UBE3A: variants seen among roughly 807,000 people sequenced by gnomAD.
The protein encoded by UBE3A is ubiquitin-protein ligase E3A.
UBE3A carries 6 observed loss-of-function variants against 83.4 expected under a neutral mutation model. The ratio of observed to expected loss-of-function variants is 0.07; its 90% CI spans 0.04 to 0.14. UBE3A has a LOEUF of 0.14. Among genes scored for constraint, UBE3A ranks in the 10% least tolerant of loss-of-function variants. UBE3A has a pLI of 1.00. For synonymous variants in UBE3A, 337 were observed against 355.4 expected (o/e 0.95, Z 0.58); for missense variants, 456 against 1,036.1 (o/e 0.44, Z 7.69).
intron 4 of UBE3A, among the ~76,000 whole-genome samples, chr15:25,401,473 A>G (rs953340221): frequency 6.6e-6 from 1 of 152,188 alleles, no homozygotes; most frequent in Non-Finnish European, 1.5e-5. Context: ...GACTGATACA[A>G]TCCTTGTCAC....
chr15:25,342,714 T>C (rs1459136593), intron 11 of UBE3A, among the ~76,000 whole-genome samples: 1 of 151,222 alleles, frequency 6.6e-6, no homozygotes. Context: ...ACCAAAGAAG[T>C]GGGGAAATGA....
At chr15:25,430,068 A>G (rs1596486753) in intron 1 of UBE3A, among the ~76,000 whole-genome samples, 3 of 109,326 alleles carry the variant, frequency 2.7e-5, no homozygotes, top group African/African-American at 1.3e-4. Flanking sequence ...TATTATATAT[A>G]TATAATACAT....
chr15:25,404,219 G>A lies in UBE3A; in HGVS notation c.62+1242C>T, dbSNP rs186011544. Among the ~76,000 whole-genome samples the A allele has an allele frequency of 4.2e-3, 632 of 151,566 alleles. 3 individuals carry two copies. Among genetic ancestry groups the A allele is most frequent in the Non-Finnish European group, 6.5e-3 (441 of 67,910 alleles). On this transcript the variant is annotated intron_variant, in intron 4 of 12. Coordinates refer to ENST00000648336, the MANE Select transcript of UBE3A (RefSeq NM_130839.5). ...ACAATATATACCGGCATTTAAATAA[G>A]GTTCCAATATTTTCAGTAAAAAAAT...
chr15:25,342,448 A>T (rs2075000525), intron 11 of UBE3A, among the ~76,000 whole-genome samples: 1 of 152,150 alleles, frequency 6.6e-6, no homozygotes, highest in South Asian at 2.1e-4. Context: ...GAAAACAGGG[A>T]ACAAAATGCA....
intron 9 of UBE3A, 92 bp downstream of exon 9, chr15:25,355,800 G>C: frequency 8.2e-7 from 1 of 1,218,886 alleles, no homozygotes; most frequent in Non-Finnish European, 1.2e-6. Context: ...TTTTTGTACA[G>C]ACTATATTAG....
chr15:25,394,766 C>A (rs2085172491), intron 4 of UBE3A, among the ~76,000 whole-genome samples: 1 of 152,268 alleles, frequency 6.6e-6, no homozygotes, highest in East Asian at 1.9e-4. Flanking sequence ...AAAAATTCTT[C>A]CTACATTTCT....
chr15:25,388,999 C>T lies in UBE3A; in HGVS notation c.63-13236G>A, dbSNP rs559025644. Among the ~76,000 whole-genome samples, 5 of 152,122 alleles carry T rather than the reference C, an allele frequency of 3.3e-5. No individual in the cohort carries two copies. In the East Asian group the frequency reaches 7.7e-4, roughly 24 times the overall value. ...AATAATGAAGAGCTATTCCATGACC[C>T]GTGAGAGACAACTCAATATTGACAG... On this transcript the variant is annotated intron_variant, in intron 4 of 12. Transcript: ENST00000648336.
chr15:25,367,447 G>C (rs896723863), intron 6 of UBE3A, among the ~76,000 whole-genome samples: 2 of 151,750 alleles, frequency 1.3e-5, no homozygotes, highest in Non-Finnish European at 2.9e-5. Context: ...GTTTTCTAAG[G>C]AACAATAACG....
intron 4 of UBE3A, among the ~76,000 whole-genome samples, chr15:25,382,645 A>G (rs1039771087): frequency 2.0e-5 from 3 of 152,084 alleles, no homozygotes; most frequent in Admixed American, 1.3e-4. Flanking sequence ...TGCAATAGAA[A>G]AAAAATCAAC....
At chr15:25,415,040 C>T (rs1259776273) in intron 1 of UBE3A, among the ~76,000 whole-genome samples, 5 of 152,180 alleles carry the variant, frequency 3.3e-5, no homozygotes, top group Non-Finnish European at 7.3e-5. Context: ...GATTCAAACC[C>T]TAATTTGTCT....
chr15:25,359,813 T>G (rs2077774882), intron 7 of UBE3A, among the ~76,000 whole-genome samples: 1 of 152,296 alleles, frequency 6.6e-6, no homozygotes, highest in East Asian at 1.9e-4. Flanking sequence ...CCCATCAGCC[T>G]TTCCCAAACT....
chr15:25,409,466 T>C (rs2089453539), intron 2 of UBE3A: 2 of 185,358 alleles, frequency 1.1e-5, no homozygotes, highest in Admixed American at 1.2e-4. Context: ...CAATAGTACC[T>C]TGAGTCTTAT....
At chr15:25,402,672 T>C (rs2087454753) in intron 4 of UBE3A, among the ~76,000 whole-genome samples, 1 of 152,114 alleles carries the variant, frequency 6.6e-6, no homozygotes, top group African/African-American at 2.4e-5. Context: ...TGGTGTACAC[T>C]TCCCCTCCTT....
rs183579749 is a variant in UBE3A at position 25,406,088 on chromosome 15, A to G, written c.21-586T>C. Among the ~76,000 whole-genome samples the G allele has an allele frequency of 2.5e-3, 386 of 152,328 alleles. 1 individual carries two copies. The highest frequency in any genetic ancestry group is 9.1e-3 in the African/African-American group (378 of 41,562). On this transcript the variant is annotated intron_variant, in intron 3 of 12. Transcript: ENST00000648336. The stretch of plus-strand genomic sequence containing the variant: ...GTGGCAGAAACCACATGGCCCATAA[A>G]GCCTAAAATATTTATTTTCTGGCCC...
intron 1 of UBE3A, chr15:25,419,539 A>G (rs1469409217): frequency 6.6e-6 from 1 of 152,122 alleles, no homozygotes; most frequent in Non-Finnish European, 1.5e-5. Flanking sequence ...TAAAAGGAAA[A>G]TAACACCAGC....
intron 11 of UBE3A, among the ~76,000 whole-genome samples, chr15:25,342,947 G>A (rs1339248192): frequency 6.6e-6 from 1 of 152,140 alleles, no homozygotes; most frequent in Non-Finnish European, 1.5e-5. Context: ...ATGAAAGGAA[G>A]GGGGGTACCT....
intron 1 of UBE3A, among the ~76,000 whole-genome samples, chr15:25,414,610 T>A (rs2090549378): frequency 6.6e-6 from 1 of 152,166 alleles, no homozygotes; most frequent in Admixed American, 6.5e-5. Flanking sequence ...CCCTGTGAGG[T>A]AATGATGGTA....
At chr15:25,435,484 T>C (rs888060235) in intron 1 of UBE3A, among the ~76,000 whole-genome samples, 2 of 152,192 alleles carry the variant, frequency 1.3e-5, no homozygotes, top group Non-Finnish European at 2.9e-5. Flanking sequence ...TCCAAGGTGA[T>C]AGTATTAAGA....
rs1181393550 is a variant in UBE3A at position 25,335,698 on chromosome 15, C to G, written c.*3439G>C. The G allele has an allele frequency of 2.6e-5, 4 of 151,980 alleles. No homozygotes were observed. The East Asian group carries it at 7.7e-4, about 29-fold the overall frequency. 9.4% of individuals were successfully genotyped at this position (151,980 alleles called of 1,614,324 possible). ...ATGAAGAATTTTGTTTTTAGGACTA[C>G]TGACTATGAGGTAACAAAGAAATCC... On this transcript the variant is annotated 3_prime_UTR_variant, in exon 13 of 13. Transcript: ENST00000648336.
Sources: gnomAD v4.1 joint callset for allele counts (sites outside exome capture counted in the v4.1 genomes callset) on GRCh38, gnomAD v4.1.1 for gene constraint, MANE v1.5 for transcripts, NCBI Gene and HGNC (gene_info 2026-07-23, HGNC 2026-07-21) for gene names.